Variants in FBRSL1 observed in about 807,000 individuals in gnomAD.
The protein encoded by FBRSL1 is fibrosin-1-like protein.
FBRSL1 carries 51 observed loss-of-function variants against 89.6 expected under a neutral mutation model. That is an observed-to-expected ratio of 0.57 (90% CI 0.45 to 0.72). The LOEUF (loss-of-function observed/expected upper bound fraction) is 0.72, where lower values mean the gene tolerates loss of function less well. Ranked by LOEUF, FBRSL1 falls within the 30% of genes least tolerant of loss-of-function variation. The probability of loss-of-function intolerance (pLI) is 0.00; values close to 1 mark genes in which losing one functional copy is unlikely to be tolerated. For missense variants in FBRSL1, 1,618 were observed against 1,451.8 expected, an observed-to-expected ratio of 1.11 and a Z score of -1.86; for synonymous variants, 779 against 681.1, an observed-to-expected ratio of 1.14 and a Z score of -2.24.
At chr12:132,581,578 G>A (rs2040751885) in intron 16 of FBRSL1, 62 bp downstream of exon 16, 2 of 1,534,900 alleles carry the variant, frequency 1.3e-6, no homozygotes, top group South Asian at 1.2e-5. Flanking sequence ...TTGTGGCGGG[G>A]GAATTAGGTG....
At chr12:132,524,060 G>T (rs912045702) in intron 2 of FBRSL1, among the ~76,000 whole-genome samples, 4 of 152,218 alleles carry the variant, frequency 2.6e-5, no homozygotes, top group African/African-American at 9.6e-5. Flanking sequence ...CACAGGCCGT[G>T]CCTCCACCTA....
At chr12:132,576,665 C>T in intron 14 of FBRSL1, 134 bp from the exon 15 acceptor site, 2 of 1,026,564 alleles carry the variant, frequency 1.9e-6, no homozygotes, top group Non-Finnish European at 2.8e-6. Flanking sequence ...AGAGAATACA[C>T]CCTTGAAATC....
At chr12:132,534,177 G>C (rs563911639) in intron 4 of FBRSL1, among the ~76,000 whole-genome samples, 2 of 152,344 alleles carry the variant, frequency 1.3e-5, no homozygotes, top group East Asian at 3.9e-4. Flanking sequence ...CATGGGGGCA[G>C]CAGGGACTTG....
chr12:132,490,439 G>C lies in FBRSL1; in HGVS notation c.-132G>C. ...GCATGCCCGGCCCGGCCCGCCGCCC[G>C]CCGCCGCCCAGGGCCCGAGCCCGCG... On this transcript the variant is annotated 5_prime_UTR_variant, in exon 1 of 19. Transcript: ENST00000680143. 7 of 603,804 alleles carry C rather than the reference G, an allele frequency of 1.2e-5. No individual in the cohort carries two copies. The highest frequency in any genetic ancestry group is 1.4e-5 in the Non-Finnish European group (7 of 489,316). 37.4% of individuals were successfully genotyped at this position (603,804 alleles called of 1,614,324 possible).
chr12:132,545,404 G>C (rs980655774), intron 4 of FBRSL1, among the ~76,000 whole-genome samples: 1 of 152,206 alleles, frequency 6.6e-6, no homozygotes, highest in Non-Finnish European at 1.5e-5. Context: ...TAATTCAGTA[G>C]GACTTAATAA....
In FBRSL1 at chr12:132,583,661, G is replaced by T. The variant is rs1292460652; in HGVS notation, c.2892G>T (p.Gly964=). Residue 964 remains glycine (G), a synonymous_variant, in exon 19 of 19, where the codon GGG becomes GGT. Coordinates refer to ENST00000680143, the MANE Select transcript of FBRSL1 (RefSeq NM_001367871.1). ...GAPPPLVTAA[G]PPTPPGPPRS... Reference sequence around the variant, plus strand: ...CGCCCCCCCTGGTGACGGCGGCCGGGCCCCCCACGCCCCCCGGGCCGCCGC... The same window carrying T: ...CGCCCCCCCTGGTGACGGCGGCCGGTCCCCCCACGCCCCCCGGGCCGCCGC... 5 of 1,076,072 alleles carry T rather than the reference G, an allele frequency of 4.6e-6. No individual in the cohort carries two copies. Among genetic ancestry groups the T allele is most frequent in the South Asian group, 4.4e-5 (1 of 22,840 alleles). 66.7% of individuals were successfully genotyped at this position (1,076,072 alleles called of 1,614,324 possible). A position where few individuals can be genotyped will look rare whatever the true frequency, so the allele number is the denominator to read the frequency against.
At position 132,583,429 on chromosome 12, in the gene FBRSL1, A is replaced by G; in HGVS notation, c.2660A>G (p.Asp887Gly). Reference protein sequence around the residue: ...LLEPPERPYRDREPHGYSPER... With the variant: ...LLEPPERPYRGREPHGYSPER... ...GAGCCCCCGGAGCGCCCCTACCGCG[A>G]CCGCGAGCCCCACGGCTACAGCCCC... The change falls in exon 19 of 19, where the codon GAC (aspartate) becomes GGC (glycine). Residue 887 changes from aspartate (D) to glycine (G), a missense_variant. Asp to Gly is a moderately conservative substitution (Grantham distance 94). Coordinates refer to ENST00000680143, the MANE Select transcript of FBRSL1 (RefSeq NM_001367871.1). The G allele has an allele frequency of 9.3e-7, 1 of 1,070,836 alleles. No individual in the cohort carries two copies. The highest frequency in any genetic ancestry group is 1.1e-6 in the Non-Finnish European group (1 of 884,678). The allele number at this position is 1,070,836 out of a possible 1,614,324, so 66.3% of individuals were successfully genotyped here. A position where few individuals can be genotyped will look rare whatever the true frequency, so the allele number is the denominator to read the frequency against.
intron 1 of FBRSL1, among the ~76,000 whole-genome samples, chr12:132,504,958 T>C (rs1470682371): frequency 6.6e-6 from 1 of 152,170 alleles, no homozygotes; most frequent in Non-Finnish European, 1.5e-5. Flanking sequence ...GGTGAAATTC[T>C]GTCTCTAGTA....
At chr12:132,571,520 C>A (rs745951720) in intron 9 of FBRSL1, 1 of 1,533,626 alleles carries the variant, frequency 6.5e-7, no homozygotes. Flanking sequence ...GCCGCACCCC[C>A]GCCGGTGCGT....
rs143666153 is a variant in FBRSL1, at chr12:132,493,467, C to T, written c.291+2606C>T. 3.8e-3 allele frequency among the ~76,000 whole-genome samples: 580 copies of T among 152,270 alleles called. 3 individuals are homozygous for T. Among genetic ancestry groups the T allele is most frequent in the African/African-American group, 0.013 (559 of 41,554 alleles). Reference sequence around the variant, plus strand: ...CTGCAGGAGTCCTGTTACCTCACCCCAGACCCCACACACACTGGGACCAAC... The same window carrying T: ...CTGCAGGAGTCCTGTTACCTCACCCTAGACCCCACACACACTGGGACCAAC... On this transcript the variant is annotated intron_variant, in intron 1 of 18. Coordinates refer to ENST00000680143, the MANE Select transcript of FBRSL1 (RefSeq NM_001367871.1).
intron 1 of FBRSL1, among the ~76,000 whole-genome samples, chr12:132,492,514 G>C (rs920984979): frequency 6.6e-6 from 1 of 152,234 alleles, no homozygotes; most frequent in African/African-American, 2.4e-5. Context: ...TCGATGTGTA[G>C]AAAGTGCCCC....
intron 6 of FBRSL1, among the ~76,000 whole-genome samples, chr12:132,569,184 G>C (rs1230896738): frequency 6.9e-6 from 1 of 144,610 alleles, no homozygotes. Context: ...GCCCGAAGGG[G>C]CCTGAAAAGG....
chr12:132,557,151 G>A (rs560416159), intron 5 of FBRSL1, among the ~76,000 whole-genome samples: 2 of 152,302 alleles, frequency 1.3e-5, no homozygotes, highest in South Asian at 4.1e-4. Context: ...TCCCATGATG[G>A]CACCCCCTGG....
chr12:132,583,660 GGCCCCCCAC>G lies in FBRSL1; in HGVS notation c.2899_2907del (p.Thr967_Pro969del), dbSNP rs1225144569. ...CCGCCCCCCCTGGTGACGGCGGCCG[GGCCCCCCAC>G]GCCCCCCGGGCCGCCGCGGAGCCGG... is the stretch of plus-strand genomic sequence containing the variant. On this transcript the variant is annotated inframe_deletion, in exon 19 of 19. Transcript: ENST00000680143. The G allele has an allele frequency of 2.8e-6, 3 of 1,074,744 alleles. No individual in the cohort carries two copies. Among genetic ancestry groups the G allele is most frequent in the Admixed American group, 5.5e-5 (1 of 18,328 alleles). 66.6% of individuals were successfully genotyped at this position (1,074,744 alleles called of 1,614,324 possible).
rs574907203 is a variant in FBRSL1 at position 132,535,366 on chromosome 12, G to A, written c.615+7378G>A. 4.6e-4 allele frequency among the ~76,000 whole-genome samples: 70 copies of A among 151,520 alleles called. 1 individual carries two copies. The highest frequency in any genetic ancestry group is 5.9e-4 in the Non-Finnish European group (40 of 67,776). On this transcript the variant is annotated intron_variant, in intron 4 of 18. Transcript: ENST00000680143. ...CTCGGAGGGACACTAATGAGAAAAAGGAGAGTGGATTTGAGATCCACACGC... is the reference window on the plus strand; with the variant it reads ...CTCGGAGGGACACTAATGAGAAAAAAGAGAGTGGATTTGAGATCCACACGC...
chr12:132,531,517 T>C (rs1396344243), intron 4 of FBRSL1, among the ~76,000 whole-genome samples: 1 of 151,994 alleles, frequency 6.6e-6, no homozygotes, highest in East Asian at 1.9e-4. Flanking sequence ...TGTAGAACAG[T>C]GTCACGGGTT....
intron 1 of FBRSL1, among the ~76,000 whole-genome samples, chr12:132,491,900 CAG>C (rs2031065155): frequency 6.6e-6 from 1 of 152,214 alleles, no homozygotes; most frequent in South Asian, 2.1e-4. Flanking sequence ...AGTGCACGGA[CAG>C]AGCTGGGGCT....
chr12:132,572,316 G>A lies in FBRSL1; in HGVS notation c.1406G>A (p.Ser469Asn), dbSNP rs781712113. ...GACAAGTATGCGCCCAAGCTGGACA[G>A]CCCCTACTTCCGACATTCCAGCGTG... ...QFDKYAPKLD[S>N]PYFRHSSVSF... The change falls in exon 10 of 19, where the codon AGC (serine) becomes AAC (asparagine). Residue 469 changes from serine to asparagine, a missense_variant. Transcript: ENST00000680143. 2.8e-5 allele frequency: 44 copies of A among 1,551,064 alleles called. No individual in the cohort carries two copies. Among genetic ancestry groups the A allele is most frequent in the Non-Finnish European group, 3.7e-5 (43 of 1,146,754 alleles).
chr12:132,564,362 G>C (rs1300911833), intron 5 of FBRSL1, among the ~76,000 whole-genome samples: 1 of 152,178 alleles, frequency 6.6e-6, no homozygotes, highest in Non-Finnish European at 1.5e-5. Flanking sequence ...ATCCCTGCTT[G>C]GGATTTTGGT....
Sources: gnomAD v4.1 joint callset for allele counts (sites outside exome capture counted in the v4.1 genomes callset) on GRCh38, gnomAD v4.1.1 for gene constraint, MANE v1.5 for transcripts, NCBI Gene and HGNC (gene_info 2026-07-23, HGNC 2026-07-21) for gene names.